The following PLXNA2 variants were observed in gnomAD, a reference collection of about 807,000 sequenced individuals.
The protein encoded by PLXNA2 is plexin-A2.
In PLXNA2, 91 loss-of-function variants were observed where a neutral mutation model predicts 193.5. The observed-to-expected ratio is 0.47, with a 90% CI of 0.40 to 0.56. The LOEUF is 0.56. PLXNA2 is among the 20% of genes least tolerant of loss of function. The pLI is 0.00. For missense variants in PLXNA2, 1,995 were observed against 2,503.2 expected, an observed-to-expected ratio of 0.80 and a Z score of 4.33; for synonymous variants, 997 against 1,027.3, an observed-to-expected ratio of 0.97 and a Z score of 0.56.
rs577522801 is a variant in PLXNA2 at position 208,236,423 on chromosome 1, G to A, written c.-81+7220C>T. Among the ~76,000 whole-genome samples, 33 of 152,234 alleles carry A rather than the reference G, an allele frequency of 2.2e-4. No individual in the cohort carries two copies. The highest frequency in any genetic ancestry group is 6.5e-4 in the African/African-American group (27 of 41,532). On this transcript the variant is annotated intron_variant, in intron 1 of 31. Coordinates refer to ENST00000367033, the MANE Select transcript of PLXNA2 (RefSeq NM_025179.4). The surrounding 1 kb of genome is among the most constrained non-coding windows in gnomAD (Gnocchi z 4.4). ...CCCCTCTTGCCACTTCTGTCTGCCC[G>A]CTGGTCCTGCTGCCTCTATAAGGCA...
intron 3 of PLXNA2, among the ~76,000 whole-genome samples, chr1:208,155,974 G>A (rs570700): frequency 2.6e-5 from 4 of 152,162 alleles, no homozygotes; most frequent in South Asian, 2.1e-4. Context: ...CCCATGAAGC[G>A]CAGTGAAGGA....
At chr1:208,154,651 T>C (rs1467131713) in intron 3 of PLXNA2, among the ~76,000 whole-genome samples, 1 of 152,236 alleles carries the variant, frequency 6.6e-6, no homozygotes, top group Admixed American at 6.5e-5. Flanking sequence ...ATTGTACAAG[T>C]CTCGCCTTGG....
intron 24 of PLXNA2, among the ~76,000 whole-genome samples, chr1:208,039,419 T>TA (rs1401327784): frequency 7.5e-6 from 1 of 133,112 alleles, no homozygotes; most frequent in Non-Finnish European, 1.6e-5. Context: ...TTATCTAGGA[T>TA]AAACCGAGGC....
chr1:208,071,900 C>T (rs1284571939), intron 12 of PLXNA2, among the ~76,000 whole-genome samples: 2 of 152,140 alleles, frequency 1.3e-5, no homozygotes, highest in African/African-American at 4.8e-5. Flanking sequence ...GCCTTTCCTG[C>T]AGAGATTTGG....
At chr1:208,039,523 C>G (rs1664790693) in intron 24 of PLXNA2, 98 bp downstream of exon 24, 1 of 1,528,386 alleles carries the variant, frequency 6.5e-7, no homozygotes, top group Middle Eastern at 2.4e-4. Flanking sequence ...CTCCCATCCT[C>G]TTTATTGACC....
chr1:208,176,124 T>C (rs146966880), intron 3 of PLXNA2, among the ~76,000 whole-genome samples: 37 of 152,302 alleles, frequency 2.4e-4, no homozygotes, highest in Admixed American at 9.2e-4. Context: ...TGTTGCCACT[T>C]CACAGATGAA....
intron 3 of PLXNA2, among the ~76,000 whole-genome samples, chr1:208,153,485 T>G (rs1571974383): frequency 6.6e-6 from 1 of 152,238 alleles, no homozygotes; most frequent in South Asian, 2.1e-4. Context: ...CGGAATCTTC[T>G]GGAACCTGGC....
At chr1:208,101,793 C>T (rs1050401745) in intron 5 of PLXNA2, among the ~76,000 whole-genome samples, 13 of 152,244 alleles carry the variant, frequency 8.5e-5, no homozygotes, top group African/African-American at 2.6e-4. Flanking sequence ...GACAGAGTGG[C>T]GGAGGCATGG....
At chr1:208,131,582 T>C (rs1668155157) in intron 4 of PLXNA2, among the ~76,000 whole-genome samples, 1 of 152,034 alleles carries the variant, frequency 6.6e-6, no homozygotes, top group African/African-American at 2.4e-5. Flanking sequence ...AGACTTAAGA[T>C]GGGGAACACA....
chr1:208,137,916 G>A (rs1305164324), intron 4 of PLXNA2, among the ~76,000 whole-genome samples: 2 of 152,104 alleles, frequency 1.3e-5, no homozygotes, highest in South Asian at 2.1e-4. Flanking sequence ...CCACTCTCAC[G>A]GCCCCAAGAA....
At chr1:208,178,743 CA>C (rs1238103418) in intron 3 of PLXNA2, among the ~76,000 whole-genome samples, 1 of 152,146 alleles carries the variant, frequency 6.6e-6, no homozygotes, top group Non-Finnish European at 1.5e-5. Context: ...GAGTGGTTTG[CA>C]AAATGTGGTA....
At chr1:208,040,199 C>T in intron 22 of PLXNA2, 141 bp from the exon 23 acceptor site, 1 of 650,020 alleles carries the variant, frequency 1.5e-6, no homozygotes, top group Non-Finnish European at 2.8e-6. Context: ...TGGGTCCCAG[C>T]CCAGCTCACC....
rs760559361 is a variant in PLXNA2 at position 208,029,505 on chromosome 1, G to A, written c.5226-463C>T. 1.5e-4 allele frequency: 151 copies of A among 999,978 alleles called. 1 individual carries two copies. Among genetic ancestry groups the A allele is most frequent in the Middle Eastern group, 5.1e-4 (1 of 1,974 alleles). 61.9% of individuals were successfully genotyped at this position (999,978 alleles called of 1,614,324 possible). On this transcript the variant is annotated intron_variant, in intron 29 of 31. Transcript: ENST00000367033. ...AGCAGGCACAAAGGGCGCCACCTGCGCTCCCCGCCCAGCCCGGCTGCCCAA... is the reference window on the plus strand; with the variant it reads ...AGCAGGCACAAAGGGCGCCACCTGCACTCCCCGCCCAGCCCGGCTGCCCAA...
At chr1:208,234,297 C>T (rs1451586116) in intron 1 of PLXNA2, among the ~76,000 whole-genome samples, 2 of 152,144 alleles carry the variant, frequency 1.3e-5, no homozygotes, top group Non-Finnish European at 2.9e-5. Flanking sequence ...AAACATTTCC[C>T]AAGTATTCTA....
intron 13 of PLXNA2, among the ~76,000 whole-genome samples, chr1:208,059,235 A>G (rs1006271268): frequency 6.6e-6 from 1 of 151,702 alleles, no homozygotes; most frequent in Admixed American, 6.6e-5. Context: ...AACAGCTTTC[A>G]CCTCTTTTTT....
chr1:208,027,401 G>C, intron 31 of PLXNA2, 63 bp from the exon 32 acceptor site: 10 of 1,387,480 alleles, frequency 7.2e-6, no homozygotes, highest in Non-Finnish European at 1.0e-5. Context: ...CCATTTTCTG[G>C]AGTCGTTCCC....
chr1:208,181,939 G>A (rs1669854633), intron 3 of PLXNA2, among the ~76,000 whole-genome samples: 1 of 152,204 alleles, frequency 6.6e-6, no homozygotes, highest in African/African-American at 2.4e-5. Context: ...CATTTAGGAA[G>A]TTCTTTCTAT....
At chr1:208,030,601 A>T (rs1043315710) in intron 29 of PLXNA2, 1 of 985,394 alleles carries the variant, frequency 1.0e-6, no homozygotes, top group Non-Finnish European at 1.2e-6. Flanking sequence ...GGGAGGAGGA[A>T]GGAAGAGATG....
Position 208,038,584 on chromosome 1 carries a change from T to C in PLXNA2, c.4661-110A>G. The C allele has an allele frequency of 1.1e-6, 1 of 914,136 alleles. No homozygotes were observed. The highest frequency in any genetic ancestry group is 3.0e-4 in the Middle Eastern group (1 of 3,366). 56.6% of individuals were successfully genotyped at this position (914,136 alleles called of 1,614,324 possible). On this transcript the variant is annotated intron_variant, in intron 25 of 31. Coordinates refer to ENST00000367033, the MANE Select transcript of PLXNA2 (RefSeq NM_025179.4). The surrounding 1 kb of genome is among the most constrained non-coding windows in gnomAD (Gnocchi z 4.1). Reference sequence around the variant, plus strand: ...ACCTGGCAACCCGGCCCCCTCAAGCTGGTACCAATAACAGAGGCTAGAGAC... The same window carrying C: ...ACCTGGCAACCCGGCCCCCTCAAGCCGGTACCAATAACAGAGGCTAGAGAC...
Sources: gnomAD v4.1 joint callset for allele counts (sites outside exome capture counted in the v4.1 genomes callset) on GRCh38, gnomAD v4.1.1 for gene constraint, Gnocchi (gnomAD v3.1) non-coding constraint, MANE v1.5 for transcripts, NCBI Gene and HGNC (gene_info 2026-07-23, HGNC 2026-07-21) for gene names.